The following IL21R variants were observed in gnomAD, a reference collection of about 807,000 sequenced individuals.
IL21R encodes interleukin 21 receptor.
Under a neutral mutation model 41.3 loss-of-function variants are expected in IL21R, and 14 were observed. The ratio of observed to expected loss-of-function variants is 0.34; its 90% CI spans 0.22 to 0.53. IL21R has a LOEUF of 0.53. Ranked by LOEUF, IL21R falls within the 20% of genes least tolerant of loss-of-function variation. The pLI, the probability that IL21R is intolerant of heterozygous loss-of-function variation, is 0.94. For missense variants in IL21R, 588 were observed against 681.6 expected, an observed-to-expected ratio of 0.86 and a Z score of 1.53; for synonymous variants, 286 against 287.6, an observed-to-expected ratio of 0.99 and a Z score of 0.05.
chr16:27,435,835 C>T (rs1412862647), intron 3 of IL21R, among the ~76,000 whole-genome samples: 1 of 152,066 alleles, frequency 6.6e-6, no homozygotes, highest in African/African-American at 2.4e-5. Flanking sequence ...GTGGCATGAT[C>T]TCGGCTCACT....
intron 3 of IL21R, among the ~76,000 whole-genome samples, chr16:27,436,015 C>T (rs950580246): frequency 4.6e-5 from 7 of 152,188 alleles, no homozygotes; most frequent in African/African-American, 1.2e-4. Flanking sequence ...TCAAGTGATC[C>T]GCCCACTGTA....
chr16:27,449,521 G>T lies in IL21R; in HGVS notation c.*238G>T. 1.8e-6 allele frequency: 1 copy of T among 561,742 alleles called. No homozygotes were observed. The highest frequency in any genetic ancestry group is 3.1e-6 in the Non-Finnish European group (1 of 318,776). 34.8% of individuals were successfully genotyped at this position (561,742 alleles called of 1,614,324 possible). A position where few individuals can be genotyped will look rare whatever the true frequency, so the allele number is the denominator to read the frequency against. ...TGTCCACGTGTGTGTGTGATTGCAC[G>T]TGCCTGTGGGCCTGGGATAATGCCC... On this transcript the variant is annotated 3_prime_UTR_variant, in exon 9 of 9. Coordinates refer to ENST00000337929, the MANE Select transcript of IL21R (RefSeq NM_181078.3).
intron 1 of IL21R, among the ~76,000 whole-genome samples, chr16:27,426,058 T>C (rs371193347): frequency 1.5e-3 from 233 of 152,346 alleles, no homozygotes; most frequent in African/African-American, 5.4e-3. Flanking sequence ...TGCCAGGCAC[T>C]GTTCTAAATG....
At chr16:27,438,401 G>A (rs1439117179) in intron 4 of IL21R, among the ~76,000 whole-genome samples, 5 of 152,116 alleles carry the variant, frequency 3.3e-5, no homozygotes. Context: ...GGGCCTGGTT[G>A]GTGGGAGCAG....
chr16:27,418,656 C>T (rs373197857), intron 1 of IL21R, among the ~76,000 whole-genome samples: 5 of 152,166 alleles, frequency 3.3e-5, no homozygotes, highest in African/African-American at 7.2e-5. Context: ...AGGCATGAGC[C>T]GCTGCGCCCC....
chr16:27,430,490 C>T (rs1290955707), intron 2 of IL21R, among the ~76,000 whole-genome samples: 2 of 152,172 alleles, frequency 1.3e-5, no homozygotes, highest in African/African-American at 4.8e-5. Flanking sequence ...CTCAGTTTCT[C>T]CTTATGTAAT....
intron 1 of IL21R, among the ~76,000 whole-genome samples, chr16:27,426,446 G>A (rs2087079632): frequency 6.6e-6 from 1 of 152,264 alleles, no homozygotes; most frequent in Non-Finnish European, 1.5e-5. Flanking sequence ...GAACACTCCA[G>A]TGTGGCTGCA....
intron 1 of IL21R, among the ~76,000 whole-genome samples, chr16:27,409,497 T>C (rs188463735): frequency 6.6e-6 from 1 of 152,228 alleles, no homozygotes; most frequent in Admixed American, 6.5e-5. Flanking sequence ...TTTACTGTTT[T>C]ACCTTTCACA....
intron 4 of IL21R, among the ~76,000 whole-genome samples, chr16:27,440,220 C>CAAATAT (rs2087355425): frequency 1.5e-5 from 1 of 64,586 alleles, no homozygotes; most frequent in Non-Finnish European, 3.0e-5. Flanking sequence ...GTTAATCTGA[C>CAAATAT]AAATATATAT....
chr16:27,426,836 G>A (rs1285183110), intron 1 of IL21R, among the ~76,000 whole-genome samples: 1 of 152,202 alleles, frequency 6.6e-6, no homozygotes, highest in Non-Finnish European at 1.5e-5. Flanking sequence ...CACTGTGTCA[G>A]GGATCTTTGG....
intron 1 of IL21R, among the ~76,000 whole-genome samples, chr16:27,410,974 C>T (rs1363701388): frequency 6.6e-6 from 1 of 152,174 alleles, no homozygotes; most frequent in African/African-American, 2.4e-5. Context: ...CAAGAAGCAT[C>T]CATGTCGTAA....
At chr16:27,411,931 T>C (rs2086830152) in intron 1 of IL21R, among the ~76,000 whole-genome samples, 1 of 152,230 alleles carries the variant, frequency 6.6e-6, no homozygotes, top group Non-Finnish European at 1.5e-5. Flanking sequence ...ACAGAAGTTT[T>C]AAAGTTTGAT....
chr16:27,433,196 A>G (rs879759101), intron 2 of IL21R, among the ~76,000 whole-genome samples: 7 of 152,292 alleles, frequency 4.6e-5, no homozygotes, highest in African/African-American at 7.2e-5. Context: ...GTCAGGCACG[A>G]TGGCTCATTC....
rs139517490 is a variant in IL21R, at chr16:27,414,005, C to T, written c.-17+11387C>T. 9.3e-3 allele frequency among the ~76,000 whole-genome samples: 1,411 copies of T among 151,970 alleles called. 13 individuals are homozygous for T. The highest frequency in any genetic ancestry group is 0.031 in the African/African-American group (1,304 of 41,466). ...TTCTGGTTCCTCAATTCTTATATAA[C>T]TTAAACACATAGTTTTCTAATCTTT... On this transcript the variant is annotated intron_variant, in intron 1 of 8. Transcript: ENST00000337929.
At chr16:27,445,866 C>T in intron 7 of IL21R, 141 bp from the exon 8 acceptor site, 2 of 550,240 alleles carry the variant, frequency 3.6e-6, no homozygotes, top group Non-Finnish European at 6.4e-6. Context: ...GGAAACCAAG[C>T]CCCAGGGAAG....
intron 1 of IL21R, among the ~76,000 whole-genome samples, chr16:27,415,915 T>C (rs532655466): frequency 4.9e-4 from 74 of 152,288 alleles, no homozygotes; most frequent in Non-Finnish European, 9.6e-4. Flanking sequence ...TGTTGAGAAA[T>C]AGAGTTTATT....
chr16:27,444,665 C>A lies in IL21R; in HGVS notation c.631C>A (p.Gln211Lys). The change falls in exon 6 of 9, where the codon CAG becomes AAG. Residue 211 changes from glutamine (Q) to lysine (K), a missense_variant. Coordinates refer to ENST00000337929, the MANE Select transcript of IL21R (RefSeq NM_181078.3). ...AGGGCCCATGCCTGGCTCCTCCTACCAGGGGACCTGGAGTGAATGGAGTGA... is the reference window on the plus strand; with the variant it reads ...AGGGCCCATGCCTGGCTCCTCCTACAAGGGGACCTGGAGTGAATGGAGTGA... Reference protein sequence around the residue: ...RAGPMPGSSYQGTWSEWSDPV... With the variant: ...RAGPMPGSSYKGTWSEWSDPV... 6.4e-7 allele frequency: 1 copy of A among 1,574,414 alleles called. No individual in the cohort carries two copies. The highest frequency in any genetic ancestry group is 1.2e-5 in the South Asian group (1 of 85,250).
intron 1 of IL21R, among the ~76,000 whole-genome samples, chr16:27,429,401 A>G (rs886772768): frequency 2.0e-5 from 3 of 152,034 alleles, no homozygotes; most frequent in African/African-American, 7.3e-5. Context: ...AGATAAATAC[A>G]CAAGTTTAAT....
chr16:27,420,311 T>G (rs1000336677), intron 1 of IL21R, among the ~76,000 whole-genome samples: 3 of 152,258 alleles, frequency 2.0e-5, no homozygotes, highest in African/African-American at 7.2e-5. Context: ...ATTATTCACC[T>G]TCATTATAGT....
Sources: allele counts gnomAD v4.1 joint callset (sites outside exome capture counted in the v4.1 genomes callset), GRCh38; gene constraint gnomAD v4.1.1; transcripts MANE v1.5; gene names NCBI Gene and HGNC (gene_info 2026-07-23, HGNC 2026-07-21).